Variants in WDR31 observed in about 807,000 individuals in gnomAD.
WDR31 encodes the protein WD repeat domain 31.
In WDR31, 30 loss-of-function variants were observed where a neutral mutation model predicts 47.3. That is an observed-to-expected ratio of 0.63 (90% CI 0.47 to 0.86). The LOEUF (loss-of-function observed/expected upper bound fraction) is 0.86, where lower values mean the gene tolerates loss of function less well. Among genes scored for constraint, WDR31 ranks in the 40% least tolerant of loss-of-function variants. WDR31 has a pLI of 0.00. For missense variants in WDR31, 406 were observed against 442.9 expected (o/e 0.92, Z 0.75); for synonymous variants, 137 against 159.4 (o/e 0.86, Z 1.06).
At chr9:113,317,161 C>T (rs1318659203) in intron 10 of WDR31, among the ~76,000 whole-genome samples, 1 of 152,108 alleles carries the variant, frequency 6.6e-6, no homozygotes, top group Non-Finnish European at 1.5e-5. Flanking sequence ...CGGGGTCTCA[C>T]CGGCTAAAGA....
intron 2 of WDR31, among the ~76,000 whole-genome samples, chr9:113,335,206 C>T (rs965927400): frequency 1.3e-5 from 2 of 152,188 alleles, no homozygotes; most frequent in African/African-American, 4.8e-5. Context: ...TCCACTCATT[C>T]AGGGAACACC....
rs186392366 is a variant in WDR31 at position 113,332,101 on chromosome 9, G to A, written c.-28-51C>T. ...GTTGTTAATTTTGTTAGGCACAATA[G>A]TATGATGTTGAAAATAAATCCTTTT... On this transcript the variant is annotated intron_variant, in intron 2 of 10. Coordinates refer to ENST00000374193, the MANE Select transcript of WDR31 (RefSeq NM_001012361.4). The A allele has an allele frequency of 1.9e-4, 238 of 1,269,064 alleles. No individual in the cohort carries two copies. In the African/African-American group the frequency reaches 3.1e-3, roughly 17 times the overall value. The allele number at this position is 1,269,064 out of a possible 1,614,324, so 78.6% of individuals were successfully genotyped here.
chr9:113,336,659 A>G (rs952967275), intron 1 of WDR31, among the ~76,000 whole-genome samples: 38 of 152,220 alleles, frequency 2.5e-4, no homozygotes, highest in Non-Finnish European at 7.3e-5. Context: ...GATTTTGCTC[A>G]TAACATAGTA....
chr9:113,326,928 T>C (rs563595807), intron 5 of WDR31, among the ~76,000 whole-genome samples: 1 of 152,164 alleles, frequency 6.6e-6, no homozygotes, highest in Admixed American at 6.5e-5. Flanking sequence ...TTCAACCTCA[T>C]GGACTCAAGT....
At chr9:113,323,540 G>A (rs903564616) in intron 5 of WDR31, among the ~76,000 whole-genome samples, 1 of 152,174 alleles carries the variant, frequency 6.6e-6, no homozygotes, top group African/African-American at 2.4e-5. Flanking sequence ...GGGATTACAG[G>A]CATGAGCCAC....
chr9:113,323,325 G>A (rs992363920), intron 5 of WDR31, among the ~76,000 whole-genome samples, 170 bp from the exon 6 acceptor site: 4 of 151,758 alleles, frequency 2.6e-5, no homozygotes, highest in African/African-American at 7.3e-5. Flanking sequence ...GCAGTGGTGT[G>A]ATCTCAGCTC....
At chr9:113,321,966 A>G (rs951471844) in intron 7 of WDR31, among the ~76,000 whole-genome samples, 1 of 152,156 alleles carries the variant, frequency 6.6e-6, no homozygotes, top group African/African-American at 2.4e-5. Context: ...CCTGCTGGAT[A>G]GGCATAAAAT....
At position 113,323,053 on chromosome 9, in the gene WDR31, A is replaced by ACAATTGCTG. The variant is rs1317221340; in HGVS notation, c.418_426dup (p.Gln140_Leu142dup). The ACAATTGCTG allele has an allele frequency of 1.5e-5, 25 of 1,614,100 alleles. No homozygotes were observed. The highest frequency in any genetic ancestry group is 1.9e-5 in the Non-Finnish European group (22 of 1,180,042). On this transcript the variant is annotated inframe_insertion, in exon 6 of 11. Transcript: ENST00000374193. The stretch of plus-strand genomic sequence containing the variant: ...CCGGTGACCACCATGGCATGGCCAC[A>ACAATTGCTG]CAATTGCTGCCTTGGTTGTGAGGAA...
intron 2 of WDR31, among the ~76,000 whole-genome samples, chr9:113,336,018 T>C (rs1427810420): frequency 6.6e-6 from 1 of 152,180 alleles, no homozygotes; most frequent in Admixed American, 6.5e-5. Context: ...AGAGGCAAAA[T>C]TCAGGATAGT....
At chr9:113,321,635 T>G in intron 7 of WDR31, 57 bp from the exon 8 acceptor site, 1 of 1,530,334 alleles carries the variant, frequency 6.5e-7, no homozygotes, top group Non-Finnish European at 9.0e-7. Context: ...TCTGCTGTAA[T>G]TCCTGTCAAA....
Position 113,316,730 on chromosome 9 carries a change from CAGTG to C in WDR31, c.*15_*18del, listed in dbSNP as rs764517489. 8.1e-6 allele frequency: 13 copies of C among 1,609,558 alleles called. No homozygotes were observed. Among genetic ancestry groups the C allele is most frequent in the Non-Finnish European group, 1.1e-5 (13 of 1,177,676 alleles). ...GGAGGAGCCATGGTTTGATATTGTCCAGTGAGTGTCTCTTGGCCTCAGAATGCTG... is the reference window on the plus strand; with the variant it reads ...GGAGGAGCCATGGTTTGATATTGTCCAGTGTCTCTTGGCCTCAGAATGCTG... On this transcript the variant is annotated 3_prime_UTR_variant, in exon 11 of 11. Coordinates refer to ENST00000374193, the MANE Select transcript of WDR31 (RefSeq NM_001012361.4).
chr9:113,321,803 A>C (rs1833332364), intron 7 of WDR31, among the ~76,000 whole-genome samples: 1 of 152,108 alleles, frequency 6.6e-6, no homozygotes, highest in Non-Finnish European at 1.5e-5. Context: ...TGTGAGCACC[A>C]AAATACATGC....
intron 7 of WDR31, 61 bp downstream of exon 7, chr9:113,322,750 C>A (rs1833351927): frequency 6.5e-7 from 1 of 1,548,806 alleles, no homozygotes; most frequent in Non-Finnish European, 8.8e-7. Context: ...ATCTCCCGAG[C>A]CTTTCCTTCA....
chr9:113,328,792 C>T (rs1258733874), intron 5 of WDR31, 89 bp downstream of exon 5: 1 of 1,175,708 alleles, frequency 8.5e-7, no homozygotes, highest in African/African-American at 1.5e-5. Flanking sequence ...TCCTTAAGAC[C>T]AAAGATTCAA....
At chr9:113,338,917 C>T (rs1194654689) in intron 1 of WDR31, among the ~76,000 whole-genome samples, 3 of 152,176 alleles carry the variant, frequency 2.0e-5, no homozygotes, top group Non-Finnish European at 4.4e-5. Context: ...CGTGCCCGGC[C>T]CAGTGGTACA....
At chr9:113,330,409 G>C (rs1833571269) in intron 4 of WDR31, among the ~76,000 whole-genome samples, 1 of 152,120 alleles carries the variant, frequency 6.6e-6, no homozygotes, top group South Asian at 2.1e-4. Flanking sequence ...CCCATTATTA[G>C]TATTATTCAC....
rs114267607 is a variant in WDR31, at chr9:113,329,307, A to C, written c.250-352T>G. On this transcript the variant is annotated intron_variant, in intron 4 of 10. Transcript: ENST00000374193. ...ATAAGGTTAGATTTGTTTTCCCTAT[A>C]GTACTGTATTTTTTTGTTGTGGTGT... is the stretch of plus-strand genomic sequence containing the variant. Among the ~76,000 whole-genome samples the C allele has an allele frequency of 6.0e-3, 914 of 151,636 alleles. 10 individuals are homozygous for C. The highest frequency in any genetic ancestry group is 0.021 in the African/African-American group (862 of 41,382).
chr9:113,327,441 A>ACGTGCACACACACACAAGTG (rs1833499805), intron 5 of WDR31, among the ~76,000 whole-genome samples: 1 of 150,226 alleles, frequency 6.7e-6, no homozygotes, highest in African/African-American at 2.4e-5. Context: ...ACACACACAC[A>ACGTGCACACACACACAAGTG]CGTGCACACA....
rs1300954948 is a variant in WDR31 at position 113,315,934 on chromosome 9, T to A, written c.*815A>T. ...CTCACTCTGGCCATTCCAAAACATA[T>A]ATATGTTTCATTTATATAAATCCAA... is the stretch of plus-strand genomic sequence containing the variant. On this transcript the variant is annotated 3_prime_UTR_variant, in exon 11 of 11. Coordinates refer to ENST00000374193, the MANE Select transcript of WDR31 (RefSeq NM_001012361.4). 1 of 152,224 alleles carries A rather than the reference T, an allele frequency of 6.6e-6. No homozygotes were observed. 9.4% of individuals were successfully genotyped at this position (152,224 alleles called of 1,614,324 possible).
Sources: gnomAD v4.1 joint callset for allele counts (sites outside exome capture counted in the v4.1 genomes callset) on GRCh38, gnomAD v4.1.1 for gene constraint, MANE v1.5 for transcripts, NCBI Gene and HGNC (gene_info 2026-07-23, HGNC 2026-07-21) for gene names.